Variants in TRAPPC12 observed in about 807,000 individuals in gnomAD.
The protein encoded by TRAPPC12 is TPR repeat protein 15.
A neutral mutation model predicts 69.2 loss-of-function variants in TRAPPC12; 61 were observed. The observed-to-expected ratio is 0.88, with a 90% confidence interval of 0.72 to 1.09. TRAPPC12 has a LOEUF of 1.09. Ranked by LOEUF, TRAPPC12 falls within the 50% of genes least tolerant of loss-of-function variation. The pLI is 0.00. For synonymous variants in TRAPPC12, 469 were observed against 438.9 expected (o/e 1.07, Z -0.86); for missense variants, 1,101 against 1,016.4 (o/e 1.08, Z -1.13).
chr2:3,382,114 G>A (rs576324262), intron 1 of TRAPPC12, among the ~76,000 whole-genome samples: 1 of 149,240 alleles, frequency 6.7e-6, no homozygotes, highest in South Asian at 2.1e-4. Context: ...GTGTCTACAG[G>A]CAGTGTTTAT....
At chr2:3,399,007 C>A (rs1661274562) in intron 2 of TRAPPC12, among the ~76,000 whole-genome samples, 1 of 152,180 alleles carries the variant, frequency 6.6e-6, no homozygotes, top group Admixed American at 6.5e-5. Flanking sequence ...AGAGGAGATG[C>A]AGTACAAGCG....
At chr2:3,441,674 A>G in intron 5 of TRAPPC12, among the ~76,000 whole-genome samples, 1 of 148,662 alleles carries the variant, frequency 6.7e-6, no homozygotes, top group East Asian at 1.9e-4. Flanking sequence ...ATTTTCTTAT[A>G]ATAAAATATT....
At chr2:3,477,866 T>C (rs4535074) in intron 10 of TRAPPC12, 71 bp downstream of exon 10, 434,524 of 1,057,564 alleles carry the variant, frequency 0.41, 91,263 homozygotes, top group African/African-American at 0.57. Flanking sequence ...CTTACTGAGT[T>C]GGAAAGCTCC....
At chr2:3,460,198 G>A (rs1405629236) in intron 7 of TRAPPC12, 65 bp from the exon 8 acceptor site, 1 of 865,136 alleles carries the variant, frequency 1.2e-6, no homozygotes, top group Admixed American at 1.7e-5. Flanking sequence ...ACAGGACCCA[G>A]TAATTGAGGG....
rs1660118682 is a variant in TRAPPC12 at position 3,379,807 on chromosome 2, C to G, written c.-74C>G. The G allele has an allele frequency of 6.6e-6, 1 of 152,452 alleles. No individual in the cohort carries two copies. The highest frequency in any genetic ancestry group is 2.4e-5 in the African/African-American group (1 of 41,442). 9.4% of individuals were successfully genotyped at this position (152,452 alleles called of 1,614,324 possible). A position where few individuals can be genotyped will look rare whatever the true frequency, so the allele number is the denominator to read the frequency against. ...TTCCTCTCCGATTCCCGGCTTCTGT[C>G]ACCTTCCTCACGGACCTTGGTCACG... On this transcript the variant is annotated 5_prime_UTR_variant, in exon 1 of 12. Transcript: ENST00000324266.
chr2:3,388,421 A>C lies in TRAPPC12; in HGVS notation c.798A>C (p.Arg266=), dbSNP rs767211733. ...TEGRPEPVAM[R]GPQAAAPPAS... Reference sequence around the variant, plus strand: ...GGCGCCCCGAACCCGTGGCCATGCGAGGGCCCCAGGCAGCTGCGCCCCCGG... The same window carrying C: ...GGCGCCCCGAACCCGTGGCCATGCGCGGGCCCCAGGCAGCTGCGCCCCCGG... Residue 266 remains arginine (R), a synonymous_variant, in exon 2 of 12, where the codon CGA becomes CGC. Transcript: ENST00000324266. 10 of 1,605,130 alleles carry C rather than the reference A, an allele frequency of 6.2e-6. No homozygotes were observed.
chr2:3,424,800 C>G (rs546389856), intron 5 of TRAPPC12, 137 bp downstream of exon 5: 2 of 962,652 alleles, frequency 2.1e-6, no homozygotes, highest in Non-Finnish European at 3.0e-6. Flanking sequence ...CAGCAACAAG[C>G]CTTGACTTAC....
chr2:3,416,923 C>G (rs1449920433), intron 3 of TRAPPC12, among the ~76,000 whole-genome samples: 1 of 146,348 alleles, frequency 6.8e-6, no homozygotes, highest in Non-Finnish European at 1.5e-5. Context: ...TCCCCCTGCC[C>G]CTTCACTGTG....
rs774793337 is a variant in TRAPPC12, at chr2:3,477,764, CTACAGGGT to C, written c.1847_1854del (p.Leu616GlnfsTer17). ...GAAAGTAACACAGAAATTAGATGGA[CTACAGGGT>C]AAAATCATGGTTTTGATGAACAGGT... On this transcript the variant is annotated frameshift_variant, in exon 10 of 12. Coordinates refer to ENST00000324266, the MANE Select transcript of TRAPPC12 (RefSeq NM_016030.6). LOFTEE classifies it high-confidence loss of function. The C allele has an allele frequency of 5.0e-6, 8 of 1,603,708 alleles. No homozygotes were observed. In the Admixed American group the frequency reaches 1.4e-4, roughly 28 times the overall value.
intron 5 of TRAPPC12, among the ~76,000 whole-genome samples, chr2:3,431,356 C>A (rs1428102278): frequency 6.6e-6 from 1 of 152,200 alleles, no homozygotes; most frequent in Non-Finnish European, 1.5e-5. Context: ...GGGAGCATCC[C>A]GGTCCCAGGA....
rs764983027 is a variant in TRAPPC12, at chr2:3,387,668, C to G, written c.45C>G (p.Ala15=). The change falls in exon 2 of 12, where the codon GCC becomes GCG. Residue 15 remains alanine, a synonymous_variant. Transcript: ENST00000324266. ...GCGAGGAGACCCCGGCCCCGGAGGC[C>G]CCGCACCCCCCTCAGCTCGCGCCTC... is the stretch of plus-strand genomic sequence containing the variant. ...GGGEETPAPE[A]PHPPQLAPPE... 6 of 1,552,996 alleles carry G rather than the reference C, an allele frequency of 3.9e-6. No individual in the cohort carries two copies. The Admixed American group carries it at 5.9e-5, about 15-fold the overall frequency.
At chr2:3,424,713 G>GTTTGCTTTGA in intron 5 of TRAPPC12, 50 bp downstream of exon 5, 1 of 1,514,962 alleles carries the variant, frequency 6.6e-7, no homozygotes, top group Non-Finnish European at 8.8e-7. Flanking sequence ...TGTCGCTCTG[G>GTTTGCTTTGA]TTTGCTTTGA....
At position 3,401,788 on chromosome 2, in the gene TRAPPC12, T is replaced by TA. The variant is rs764520231; in HGVS notation, c.1062dup (p.Asp355ArgfsTer9). ...TCTATTCTTCCCAGGGAGATGCAGT[T>TA]AAAGACTTGATGCTTCGCTTTCTGG... On this transcript the variant is annotated frameshift_variant, in exon 3 of 12. Coordinates refer to ENST00000324266, the MANE Select transcript of TRAPPC12 (RefSeq NM_016030.6). LOFTEE classifies it high-confidence loss of function. 6.3e-7 allele frequency: 1 copy of TA among 1,586,240 alleles called. No homozygotes were observed. Among genetic ancestry groups the TA allele is most frequent in the South Asian group, 1.2e-5 (1 of 85,708 alleles).
chr2:3,452,457 T>G (rs566741692), intron 6 of TRAPPC12, among the ~76,000 whole-genome samples: 1 of 152,332 alleles, frequency 6.6e-6, no homozygotes, highest in South Asian at 2.1e-4. Context: ...GCATTTAAAC[T>G]GCCACACTGT....
At chr2:3,435,431 C>T (rs6548163) in intron 5 of TRAPPC12, among the ~76,000 whole-genome samples, 4,020 of 152,196 alleles carry the variant, frequency 0.026, 166 homozygotes, top group African/African-American at 0.091. Flanking sequence ...GCTACATTAG[C>T]GCTAGTTTTA....
intron 2 of TRAPPC12, among the ~76,000 whole-genome samples, chr2:3,391,190 C>T (rs1660803209): frequency 2.6e-5 from 4 of 152,106 alleles, no homozygotes; most frequent in African/African-American, 9.7e-5. Flanking sequence ...GACGGGGCGC[C>T]CCACCTCCCA....
intron 6 of TRAPPC12, among the ~76,000 whole-genome samples, chr2:3,447,072 A>T (rs1425300706): frequency 6.6e-6 from 1 of 151,682 alleles, no homozygotes; most frequent in African/African-American, 2.4e-5. Context: ...GCACAGTGTC[A>T]GCATCTGCTT....
intron 5 of TRAPPC12, among the ~76,000 whole-genome samples, chr2:3,431,023 G>A (rs544213175): frequency 6.6e-6 from 1 of 152,232 alleles, no homozygotes; most frequent in African/African-American, 2.4e-5. Flanking sequence ...GAGGAGCTCT[G>A]GGAGATGCGG....
chr2:3,388,300 C>G lies in TRAPPC12; in HGVS notation c.677C>G (p.Ser226Cys), dbSNP rs540923616. The part of the protein sequence containing the change: ...SHSLASDFFD[S>C]FTTSAFISVS... ...TCCTTGGCCTCGGACTTCTTCGACT[C>G]CTTTACTACCTCCGCCTTCATTTCC... Residue 226 changes from serine to cysteine, a missense_variant, in exon 2 of 12, where the codon TCC becomes TGC. Transcript: ENST00000324266. 3 of 1,607,436 alleles carry G rather than the reference C, an allele frequency of 1.9e-6. No individual in the cohort carries two copies. In the South Asian group the frequency reaches 3.3e-5, roughly 18 times the overall value.
Sources: allele counts gnomAD v4.1 joint callset (sites outside exome capture counted in the v4.1 genomes callset), GRCh38; gene constraint gnomAD v4.1.1; transcripts MANE v1.5; gene names NCBI Gene and HGNC (gene_info 2026-07-23, HGNC 2026-07-21).